Variants in TMC1 observed in about 807,000 individuals in gnomAD.
TMC1 encodes the protein transmembrane channel like 1, also known as transmembrane channel-like protein 1.
A neutral mutation model predicts 105.8 loss-of-function variants in TMC1; 84 were observed. The observed-to-expected ratio is 0.79, with a 90% confidence interval of 0.67 to 0.95. The LOEUF (loss-of-function observed/expected upper bound fraction) is 0.95, where lower values mean the gene tolerates loss of function less well. TMC1 is among the 40% of genes least tolerant of loss of function. The pLI is 0.00. For synonymous variants in TMC1, 315 were observed against 311.5 expected (o/e 1.01, Z -0.12); for missense variants, 817 against 914.1 (o/e 0.89, Z 1.37).
intron 8 of TMC1, among the ~76,000 whole-genome samples, chr9:72,738,147 T>G (rs573332772): frequency 1.6e-4 from 24 of 152,308 alleles, no homozygotes; most frequent in South Asian, 8.3e-4. Context: ...GCTATGGAAG[T>G]TACAACAAGA....
intron 3 of TMC1, among the ~76,000 whole-genome samples, chr9:72,620,121 C>T (rs1006269569): frequency 6.6e-6 from 1 of 152,146 alleles, no homozygotes; most frequent in Non-Finnish European, 1.5e-5. Context: ...GCGGGAGCCA[C>T]TGTGCCTGGC....
At chr9:72,606,996 T>TAG (rs757833291) in intron 2 of TMC1, among the ~76,000 whole-genome samples, 100 of 99,910 alleles carry the variant, frequency 1.0e-3, no homozygotes, top group East Asian at 4.7e-3. Flanking sequence ...TATATATATA[T>TAG]ATATATAGAG....
At chr9:72,835,273 T>C (rs1829103646) in intron 23 of TMC1, among the ~76,000 whole-genome samples, 1 of 152,208 alleles carries the variant, frequency 6.6e-6, no homozygotes, top group Non-Finnish European at 1.5e-5. Flanking sequence ...TGGTTTTATG[T>C]CCATCTTCAC....
chr9:72,788,208 G>A (rs1828201967), intron 13 of TMC1, 131 bp from the exon 14 acceptor site: 10 of 997,522 alleles, frequency 1.0e-5, no homozygotes, highest in Non-Finnish European at 1.5e-5. Context: ...CTGGTCATTA[G>A]AACAAACTTG....
At chr9:72,617,115 G>A (rs567081697) in intron 3 of TMC1, among the ~76,000 whole-genome samples, 1 of 152,176 alleles carries the variant, frequency 6.6e-6, no homozygotes, top group South Asian at 2.1e-4. Flanking sequence ...TTTTGGATAT[G>A]AAAAACGCTT....
At position 72,574,717 on chromosome 9, in the gene TMC1, G is replaced by T. The variant is rs560512161; in HGVS notation, c.-427-3185G>T. Reference sequence around the variant, plus strand: ...TTTTTACATGCATCCTTGCTCTGCAGTGGGGGTCATAAGAAGTAAGATGCA... The same window carrying T: ...TTTTTACATGCATCCTTGCTCTGCATTGGGGGTCATAAGAAGTAAGATGCA... On this transcript the variant is annotated intron_variant, in intron 1 of 23. Transcript: ENST00000297784. 2.2e-3 allele frequency among the ~76,000 whole-genome samples: 336 copies of T among 152,346 alleles called. 4 individuals are homozygous for T. The highest frequency in any genetic ancestry group is 7.8e-3 in the African/African-American group (323 of 41,568).
chr9:72,814,104 G>A (rs1027282703), intron 18 of TMC1, among the ~76,000 whole-genome samples: 1 of 152,170 alleles, frequency 6.6e-6, no homozygotes, highest in African/African-American at 2.4e-5. Context: ...CATTTAAAAC[G>A]TTGAGTTTTC....
chr9:72,627,526 A>G (rs369319967), intron 3 of TMC1, among the ~76,000 whole-genome samples: 1 of 152,184 alleles, frequency 6.6e-6, no homozygotes, highest in East Asian at 1.9e-4. Context: ...TATTTTCTTC[A>G]TTACTTGCTT....
intron 8 of TMC1, among the ~76,000 whole-genome samples, chr9:72,722,792 T>TA (rs1827050426): frequency 6.6e-6 from 1 of 152,126 alleles, no homozygotes; most frequent in Non-Finnish European, 1.5e-5. Flanking sequence ...AATGTGCTGG[T>TA]AAAAAGCCCT....
intron 8 of TMC1, among the ~76,000 whole-genome samples, chr9:72,734,942 C>T (rs1345328288): frequency 2.0e-5 from 3 of 152,144 alleles, no homozygotes; most frequent in Non-Finnish European, 4.4e-5. Context: ...TCTGTGTAAT[C>T]GTGGTTGTAT....
At chr9:72,609,327 T>C (rs555941688) in intron 2 of TMC1, among the ~76,000 whole-genome samples, 1 of 151,990 alleles carries the variant, frequency 6.6e-6, no homozygotes, top group African/African-American at 2.4e-5. Context: ...TCACTTGAGG[T>C]CAGGAGTTTG....
Position 72,619,820 on chromosome 9 carries a change from A to T in TMC1, c.-196+3343A>T, listed in dbSNP as rs560224373. ...TCTAATTTAACTTATTTAATTAATTAATTAATTAATTAATTTATTTATTTA... is the reference window on the plus strand; with the variant it reads ...TCTAATTTAACTTATTTAATTAATTTATTAATTAATTAATTTATTTATTTA... On this transcript the variant is annotated intron_variant, in intron 3 of 23. Coordinates refer to ENST00000297784, the MANE Select transcript of TMC1 (RefSeq NM_138691.3). 9.9e-3 allele frequency among the ~76,000 whole-genome samples: 1,489 copies of T among 150,776 alleles called. 17 individuals carry two copies. Among genetic ancestry groups the T allele is most frequent in the Middle Eastern group, 0.031 (9 of 292 alleles).
At chr9:72,523,076 G>A (rs1224333804) in intron 1 of TMC1, among the ~76,000 whole-genome samples, 1 of 152,210 alleles carries the variant, frequency 6.6e-6, no homozygotes, top group African/African-American at 2.4e-5. Flanking sequence ...GGGAGAAACA[G>A]ATAAGACAGA....
intron 18 of TMC1, among the ~76,000 whole-genome samples, chr9:72,814,133 G>C (rs1828745672): frequency 1.3e-5 from 2 of 152,154 alleles, no homozygotes; most frequent in African/African-American, 4.8e-5. Flanking sequence ...CAGTAGTTTG[G>C]TGGGCCACCT....
At chr9:72,534,313 G>T (rs1326327704) in intron 1 of TMC1, among the ~76,000 whole-genome samples, 3 of 152,080 alleles carry the variant, frequency 2.0e-5, no homozygotes, top group African/African-American at 7.2e-5. Flanking sequence ...TGGTTGTGGG[G>T]TAGGGCCATG....
In TMC1 at chr9:72,569,888, T is replaced by A. The variant is rs182650235; in HGVS notation, c.-427-8014T>A. On this transcript the variant is annotated intron_variant, in intron 1 of 23. Transcript: ENST00000297784. ...TGTCTGCTAGAAGGATTCCAAGGGT[T>A]AAGTCCTGAGGCGTGAAGAAGAACC... 5.9e-5 allele frequency among the ~76,000 whole-genome samples: 9 copies of A among 152,260 alleles called. No individual in the cohort carries two copies. In the East Asian group the frequency reaches 1.7e-3, roughly 29 times the overall value.
chr9:72,752,048 G>A, intron 11 of TMC1, 92 bp downstream of exon 11: 1 of 906,152 alleles, frequency 1.1e-6, no homozygotes, highest in East Asian at 2.4e-5. Context: ...TAATTAACTG[G>A]CTATTTTCAC....
At chr9:72,556,504 G>A (rs1276833425) in intron 1 of TMC1, among the ~76,000 whole-genome samples, 1 of 151,548 alleles carries the variant, frequency 6.6e-6, no homozygotes, top group Non-Finnish European at 1.5e-5. Flanking sequence ...ACTCCTGCTT[G>A]CCAAAAGCAT....
intron 7 of TMC1, among the ~76,000 whole-genome samples, chr9:72,696,955 G>C (rs55974970): frequency 0.12 from 18,046 of 152,116 alleles, 1,114 homozygotes; most frequent in Non-Finnish European, 0.14. Context: ...TAGAAAAGCA[G>C]GTTTCCTGTA....
Sources: allele counts gnomAD v4.1 joint callset (sites outside exome capture counted in the v4.1 genomes callset), GRCh38; gene constraint gnomAD v4.1.1; transcripts MANE v1.5; gene names NCBI Gene and HGNC (gene_info 2026-07-23, HGNC 2026-07-21).